The following CAMK2A variants were observed in gnomAD, a reference collection of about 807,000 sequenced individuals.
The protein encoded by CAMK2A is calcium/calmodulin-dependent protein kinase type II subunit alpha.
CAMK2A carries 7 observed loss-of-function variants against 79.2 expected under a neutral mutation model. The observed-to-expected ratio is 0.09, with a 90% CI of 0.05 to 0.17. CAMK2A has a LOEUF of 0.17. Ranked by LOEUF, CAMK2A falls within the 10% of genes least tolerant of loss-of-function variation. The pLI, the probability that CAMK2A is intolerant of heterozygous loss-of-function variation, is 1.00. For synonymous variants in CAMK2A, 242 were observed against 251.7 expected (o/e 0.96, Z 0.36); for missense variants, 214 against 646.4 (o/e 0.33, Z 7.25).
intron 2 of CAMK2A, among the ~76,000 whole-genome samples, chr5:150,272,448 T>G (rs1756786260): frequency 6.6e-6 from 1 of 151,634 alleles, no homozygotes; most frequent in Non-Finnish European, 1.5e-5. Context: ...GGTGGACGCT[T>G]GTAATCCCAG....
At chr5:150,233,608 G>A (rs1754938011) in intron 15 of CAMK2A, among the ~76,000 whole-genome samples, 1 of 152,092 alleles carries the variant, frequency 6.6e-6, no homozygotes, top group Non-Finnish European at 1.5e-5. Context: ...GAGTGAATGG[G>A]ACCAAACCAG....
At chr5:150,287,625 A>G (rs1417233721) in intron 1 of CAMK2A, among the ~76,000 whole-genome samples, 1 of 151,196 alleles carries the variant, frequency 6.6e-6, no homozygotes, top group East Asian at 1.9e-4. Context: ...TCACATCTCA[A>G]CTCCATCTCA....
chr5:150,288,059 C>T (rs1757501873), intron 1 of CAMK2A, among the ~76,000 whole-genome samples: 1 of 151,870 alleles, frequency 6.6e-6, no homozygotes, highest in Non-Finnish European at 1.5e-5. Flanking sequence ...ATGCCTATAA[C>T]ACCCATACTC....
intron 17 of CAMK2A, among the ~76,000 whole-genome samples, chr5:150,224,610 T>C (rs1319762314): frequency 2.0e-5 from 3 of 152,056 alleles, no homozygotes; most frequent in African/African-American, 7.2e-5. Flanking sequence ...TAACAGACTT[T>C]GAATTTGGGC....
At chr5:150,236,126 C>T (rs1755047478) in intron 15 of CAMK2A, among the ~76,000 whole-genome samples, 1 of 152,146 alleles carries the variant, frequency 6.6e-6, no homozygotes, top group African/African-American at 2.4e-5. Context: ...TTACCCCATC[C>T]TGATCGCTCT....
intron 1 of CAMK2A, among the ~76,000 whole-genome samples, chr5:150,276,741 C>T (rs181291932): frequency 1.0e-3 from 153 of 152,200 alleles, no homozygotes; most frequent in Non-Finnish European, 1.4e-3. Context: ...CAGCACCTGA[C>T]AAAGCTTGGT....
At chr5:150,235,972 C>A (rs1755039856) in intron 15 of CAMK2A, among the ~76,000 whole-genome samples, 1 of 152,094 alleles carries the variant, frequency 6.6e-6, no homozygotes, top group Non-Finnish European at 1.5e-5. Flanking sequence ...GGGTTTTTTA[C>A]ATGTGGGGAA....
rs1431250582 is a variant in CAMK2A at position 150,220,975 on chromosome 5, C to T, written c.*1735G>A. ...AGGGTCGAGGGTACCGGAGCCTCCT[C>T]CAATCCCTGGGGACGTGGCTCTTCC... is the stretch of plus-strand genomic sequence containing the variant. On this transcript the variant is annotated 3_prime_UTR_variant, in exon 19 of 19. Transcript: ENST00000671881. 1 of 152,760 alleles carries T rather than the reference C, an allele frequency of 6.5e-6. No homozygotes were observed. The highest frequency in any genetic ancestry group is 1.5e-5 in the Non-Finnish European group (1 of 68,324). The allele number at this position is 152,760 out of a possible 1,614,324, so 9.5% of individuals were successfully genotyped here.
In CAMK2A at chr5:150,250,727, G is replaced by T; in HGVS notation, c.777C>A (p.Arg259=). Residue 259 remains arginine, a synonymous_variant, in exon 10 of 19, where the codon CGC becomes CGA. Transcript: ENST00000671881. The part of the protein sequence containing the change: ...NKMLTINPSK[R]ITAAEALKHP... ...GCTTAAGGGCTTCGGCAGCTGTGAT[G>T]CGTTTGGATGGGTTAATGGTCAGCA... The T allele has an allele frequency of 1.2e-6, 2 of 1,614,132 alleles. No homozygotes were observed. The highest frequency in any genetic ancestry group is 1.7e-6 in the Non-Finnish European group (2 of 1,180,006).
Position 150,222,782 on chromosome 5 carries a change from C to T in CAMK2A, c.1467-69G>A, listed in dbSNP as rs1218192839. On this transcript the variant is annotated intron_variant, in intron 18 of 18. Coordinates refer to ENST00000671881, the MANE Select transcript of CAMK2A (RefSeq NM_015981.4). ...TGCTTGGGCAACCCACCCACCCTGC[C>T]GCTTTAGATGGAGTCCATGCGGTCC... 38 of 1,593,910 alleles carry T rather than the reference C, an allele frequency of 2.4e-5. No individual in the cohort carries two copies. In the Admixed American group the frequency reaches 3.0e-4, roughly 13 times the overall value.
chr5:150,252,456 C>T (rs377200580), intron 7 of CAMK2A, among the ~76,000 whole-genome samples: 13 of 152,276 alleles, frequency 8.5e-5, no homozygotes, highest in African/African-American at 3.1e-4. Flanking sequence ...CCATGTCAGC[C>T]CCAGGCTGAG....
intron 12 of CAMK2A, 117 bp from the exon 13 acceptor site, chr5:150,245,318 G>T: frequency 1.1e-6 from 1 of 873,792 alleles, no homozygotes; most frequent in Non-Finnish European, 1.8e-6. Context: ...AGCAGAGCTG[G>T]CCCAGCGATC....
At chr5:150,222,877 C>T (rs1270794376) in intron 18 of CAMK2A, 112 bp downstream of exon 18, 1 of 1,388,394 alleles carries the variant, frequency 7.2e-7, no homozygotes, top group East Asian at 2.3e-5. Flanking sequence ...CTCCCCACCC[C>T]ACTCTGCAGC....
Position 150,288,476 on chromosome 5 carries a change from G to A in CAMK2A, c.62+1088C>T, listed in dbSNP as rs538548445. Among the ~76,000 whole-genome samples the A allele has an allele frequency of 5.3e-5, 8 of 152,174 alleles. No homozygotes were observed. The East Asian group carries it at 5.8e-4, about 11-fold the overall frequency. ...GCACACCCTGGCAGGGCACACCAGC[G>A]TACCCCAGTGTCACAAGCAATTTCC... On this transcript the variant is annotated intron_variant, in intron 1 of 18. Transcript: ENST00000671881.
chr5:150,225,517 T>C (rs1279175616), intron 17 of CAMK2A, among the ~76,000 whole-genome samples: 1 of 152,200 alleles, frequency 6.6e-6, no homozygotes, highest in Admixed American at 6.5e-5. Context: ...AAGGGCTGCA[T>C]GGCTTCCTCT....
chr5:150,267,874 CTTT>C (rs796333078), intron 2 of CAMK2A, among the ~76,000 whole-genome samples: 19 of 133,336 alleles, frequency 1.4e-4, no homozygotes, highest in Admixed American at 2.3e-4. Context: ...AGCCAAGGAG[CTTT>C]TTTTTTTTTT....
intron 13 of CAMK2A, among the ~76,000 whole-genome samples, chr5:150,242,469 C>T (rs2114048281): frequency 6.6e-6 from 1 of 152,308 alleles, no homozygotes; most frequent in South Asian, 2.1e-4. Context: ...ACTGCCTCTT[C>T]AGTTAAGCCC....
chr5:150,268,984 T>G (rs948060702), intron 2 of CAMK2A, among the ~76,000 whole-genome samples: 15 of 151,986 alleles, frequency 9.9e-5, no homozygotes, highest in Admixed American at 7.9e-4. Flanking sequence ...CAGGCTAGTC[T>G]TGAACTCCTG....
chr5:150,279,426 TAATAA>T (rs1227158348), intron 1 of CAMK2A, among the ~76,000 whole-genome samples: 6 of 152,068 alleles, frequency 3.9e-5, no homozygotes, highest in African/African-American at 1.4e-4. Context: ...AAAATACGGA[TAATAA>T]TAGTACCAAC....
Sources: gnomAD v4.1 joint callset for allele counts (sites outside exome capture counted in the v4.1 genomes callset) on GRCh38, gnomAD v4.1.1 for gene constraint, MANE v1.5 for transcripts, NCBI Gene and HGNC (gene_info 2026-07-23, HGNC 2026-07-21) for gene names.